PTPRN2: variants seen among roughly 807,000 people sequenced by gnomAD.
The protein encoded by PTPRN2 is protein tyrosine phosphatase receptor type N2.
Under a neutral mutation model 118.8 loss-of-function variants are expected in PTPRN2, and 74 were observed. That is an observed-to-expected ratio of 0.62 (90% CI 0.52 to 0.76). The LOEUF is 0.76. Among genes scored for constraint, PTPRN2 ranks in the 30% least tolerant of loss-of-function variants. The pLI, the probability that PTPRN2 is intolerant of heterozygous loss-of-function variation, is 0.00. For synonymous variants in PTPRN2, 641 were observed against 608.0 expected (o/e 1.05, Z -0.80); for missense variants, 1,481 against 1,394.4 (o/e 1.06, Z -0.99).
intron 6 of PTPRN2, among the ~76,000 whole-genome samples, chr7:158,154,907 C>T (rs1223677333): frequency 6.6e-6 from 1 of 152,182 alleles, no homozygotes; most frequent in Non-Finnish European, 1.5e-5. Flanking sequence ...GCATCCACTA[C>T]CTGCCATTTG....
intron 6 of PTPRN2, among the ~76,000 whole-genome samples, chr7:158,160,569 T>C (rs1043536136): frequency 1.4e-4 from 22 of 152,222 alleles, no homozygotes; most frequent in African/African-American, 5.1e-4. Flanking sequence ...TTGCGAAAGA[T>C]ACAATTTCTT....
At chr7:158,424,057 C>A (rs548098697) in intron 2 of PTPRN2, among the ~76,000 whole-genome samples, 1 of 152,300 alleles carries the variant, frequency 6.6e-6, no homozygotes, top group East Asian at 1.9e-4. Flanking sequence ...AGAGAGGCAG[C>A]CGTCGGATTC....
At chr7:157,795,624 A>G (rs1804822136) in intron 12 of PTPRN2, among the ~76,000 whole-genome samples, 3 of 152,234 alleles carry the variant, frequency 2.0e-5, no homozygotes, top group African/African-American at 7.2e-5. Flanking sequence ...TATTCAGGGA[A>G]CTTGATTCAT....
At chr7:158,418,320 T>A (rs1219626638) in intron 2 of PTPRN2, among the ~76,000 whole-genome samples, 1 of 150,936 alleles carries the variant, frequency 6.6e-6, no homozygotes, top group African/African-American at 2.4e-5. Context: ...CATGGTGTAC[T>A]ACATCGAGAT....
rs145223858 is a variant in PTPRN2, at chr7:158,234,203, T to C, written c.278-28930A>G. Among the ~76,000 whole-genome samples, 529 of 151,496 alleles carry C rather than the reference T, an allele frequency of 3.5e-3. 3 individuals carry two copies. The highest frequency in any genetic ancestry group is 7.7e-3 in the African/African-American group (319 of 41,284). ...AACAACCCACAGAATGGAGAAAATA[T>C]ATGTAAACGATCCATCTGACAAGGG... On this transcript the variant is annotated intron_variant, in intron 3 of 22. Transcript: ENST00000389418.
intron 2 of PTPRN2, among the ~76,000 whole-genome samples, chr7:158,417,403 CTG>C (rs1203944797): frequency 6.6e-6 from 1 of 151,688 alleles, no homozygotes; most frequent in Non-Finnish European, 1.5e-5. Flanking sequence ...CAGTGTCCCG[CTG>C]TGTTAAGTCA....
At chr7:157,814,001 G>A (rs764763266) in intron 12 of PTPRN2, among the ~76,000 whole-genome samples, 19 of 152,254 alleles carry the variant, frequency 1.2e-4, no homozygotes, top group Non-Finnish European at 2.2e-4. Flanking sequence ...GAGGGGGATT[G>A]TTCTGCCCCA....
intron 5 of PTPRN2, among the ~76,000 whole-genome samples, chr7:158,173,546 T>G (rs1447055518): frequency 6.6e-6 from 1 of 152,196 alleles, no homozygotes; most frequent in Non-Finnish European, 1.5e-5. Flanking sequence ...AGTGTCCCAC[T>G]GGGCATGCAT....
intron 11 of PTPRN2, among the ~76,000 whole-genome samples, chr7:158,040,590 T>A (rs1477580027): frequency 1.3e-5 from 2 of 152,208 alleles, no homozygotes; most frequent in Non-Finnish European, 2.9e-5. Flanking sequence ...AGTAAAATAT[T>A]GAAAATGTTA....
intron 11 of PTPRN2, among the ~76,000 whole-genome samples, chr7:158,026,193 G>A (rs577346220): frequency 6.6e-6 from 1 of 152,388 alleles, no homozygotes; most frequent in South Asian, 2.1e-4. Flanking sequence ...TTCATCCGGA[G>A]TAAGTGCCTA....
intron 2 of PTPRN2, among the ~76,000 whole-genome samples, chr7:158,344,566 G>A (rs1339598269): frequency 6.6e-6 from 1 of 152,142 alleles, no homozygotes; most frequent in East Asian, 1.9e-4. Context: ...ACAGGAATCT[G>A]GAATCGCATA....
Position 157,953,503 on chromosome 7 carries a change from C to T in PTPRN2, c.1724-54766G>A, listed in dbSNP as rs969619902. On this transcript the variant is annotated intron_variant, in intron 11 of 22. Transcript: ENST00000389418. The surrounding 1 kb of genome is among the most constrained non-coding windows in gnomAD (Gnocchi z 4.6). ...CCACCTTCTTCACACCATGAGGCTG[C>T]TGGCACGGGTGCCTTTGCTGCCGGC... is the stretch of plus-strand genomic sequence containing the variant. Among the ~76,000 whole-genome samples the T allele has an allele frequency of 3.9e-5, 6 of 152,228 alleles. No individual in the cohort carries two copies. Among genetic ancestry groups the T allele is most frequent in the African/African-American group, 1.4e-4 (6 of 41,460 alleles).
intron 11 of PTPRN2, among the ~76,000 whole-genome samples, chr7:158,054,299 G>C (rs993735974): frequency 2.0e-5 from 3 of 152,186 alleles, no homozygotes; most frequent in African/African-American, 7.2e-5. Context: ...TGCTTGTCCT[G>C]AGACCAAGAA....
chr7:158,556,157 A>G (rs530583696), intron 1 of PTPRN2, among the ~76,000 whole-genome samples: 49 of 152,348 alleles, frequency 3.2e-4, no homozygotes, highest in African/African-American at 9.9e-4. Context: ...TAGAGGATAG[A>G]TATAGATGGG....
intron 11 of PTPRN2, among the ~76,000 whole-genome samples, chr7:158,041,437 A>C (rs1808460483): frequency 6.6e-6 from 1 of 152,152 alleles, no homozygotes. Flanking sequence ...CATGAGTTTG[A>C]GACCATCCTG....
At chr7:158,503,817 G>A (rs10257472) in intron 1 of PTPRN2, among the ~76,000 whole-genome samples, 34,194 of 151,900 alleles carry the variant, frequency 0.23, 4,027 homozygotes, top group East Asian at 0.39. Context: ...CCTGGCCAAC[G>A]TGGAGAAACC....
intron 12 of PTPRN2, among the ~76,000 whole-genome samples, chr7:157,834,150 C>T (rs1332575738): frequency 7.1e-6 from 1 of 141,806 alleles, no homozygotes; most frequent in Non-Finnish European, 1.5e-5. Flanking sequence ...CCATCAATTC[C>T]ACCCACCAAT....
chr7:158,174,645 C>T (rs2150630947), intron 5 of PTPRN2, among the ~76,000 whole-genome samples: 1 of 152,324 alleles, frequency 6.6e-6, no homozygotes, highest in African/African-American at 2.4e-5. Context: ...TGGCCCTGTC[C>T]TCAAACATCT....
intron 9 of PTPRN2, 57 bp downstream of exon 9, chr7:158,133,620 C>T: frequency 6.6e-7 from 1 of 1,508,674 alleles, no homozygotes; most frequent in East Asian, 2.3e-5. Context: ...CCACCTCCAG[C>T]CTGCTGGGAC....
Sources: gnomAD v4.1 joint callset for allele counts (sites outside exome capture counted in the v4.1 genomes callset) on GRCh38, gnomAD v4.1.1 for gene constraint, Gnocchi (gnomAD v3.1) non-coding constraint, MANE v1.5 for transcripts, NCBI Gene and HGNC (gene_info 2026-07-23, HGNC 2026-07-21) for gene names.